The following MYLK4 variants were observed in gnomAD, a reference collection of about 807,000 sequenced individuals.
MYLK4 encodes the protein caMLCK like.
MYLK4 carries 46 observed loss-of-function variants against 48.1 expected under a neutral mutation model. That is an observed-to-expected ratio of 0.96 (90% CI 0.75 to 1.22). The LOEUF is 1.22. MYLK4 is among the 50% of genes most tolerant of loss of function. The probability of loss-of-function intolerance (pLI) is 0.00; values close to 1 mark genes in which losing one functional copy is unlikely to be tolerated. For missense variants in MYLK4, 451 were observed against 486.1 expected (o/e 0.93, Z 0.68); for synonymous variants, 170 against 180.8 (o/e 0.94, Z 0.48).
At chr6:2,690,237 TG>T in intron 3 of MYLK4, among the ~76,000 whole-genome samples, 1 of 152,232 alleles carries the variant, frequency 6.6e-6, no homozygotes, top group Non-Finnish European at 1.5e-5. Flanking sequence ...CCTGGCTGCC[TG>T]TGTCTTCTGA....
chr6:2,762,845 C>A, the MYLK4 span, among the ~76,000 whole-genome samples: 1 of 152,150 alleles, frequency 6.6e-6, no homozygotes, highest in Non-Finnish European at 1.5e-5. Flanking sequence ...TTAAGTTAGC[C>A]GTTCCTGCCA....
chr6:2,739,929 T>C (rs1012916148), intron 2 of MYLK4, among the ~76,000 whole-genome samples: 2 of 152,226 alleles, frequency 1.3e-5, no homozygotes, highest in Non-Finnish European at 2.9e-5. Flanking sequence ...TATACTGTTG[T>C]GTAAAGAACT....
At chr6:2,692,641 A>AGGGG (rs1554127783) in intron 3 of MYLK4, 143 bp downstream of exon 3, 1 of 304,958 alleles carries the variant, frequency 3.3e-6, no homozygotes, top group Non-Finnish European at 5.3e-6. Context: ...AAAAAAAAAA[A>AGGGG]AGGGGGGGGG....
chr6:2,700,996 C>T (rs139384726), intron 2 of MYLK4, among the ~76,000 whole-genome samples: 1 of 152,302 alleles, frequency 6.6e-6, no homozygotes, highest in East Asian at 1.9e-4. Flanking sequence ...AAAAACTGTG[C>T]AGTGAGGCTA....
In MYLK4 at chr6:2,675,033, G is replaced by A. The variant is rs1268030833; in HGVS notation, c.1119+14C>T. 3 of 1,602,882 alleles carry A rather than the reference G, an allele frequency of 1.9e-6. No homozygotes were observed. The highest frequency in any genetic ancestry group is 2.2e-5 in the South Asian group (2 of 90,814). On this transcript the variant is annotated intron_variant, in intron 11 of 12. Coordinates refer to ENST00000274643, the MANE Select transcript of MYLK4 (RefSeq NM_001012418.5). ...GACAGGAGAAAAAGAGGAAGAGCAA[G>A]AAGCCGTGGTCACCTGGGCATTGAG...
chr6:2,750,154 G>A (rs564561429), intron 1 of MYLK4, among the ~76,000 whole-genome samples: 13 of 152,308 alleles, frequency 8.5e-5, no homozygotes, highest in African/African-American at 3.1e-4. Context: ...TGCTAGTTCC[G>A]CATGGCTGAC....
chr6:2,702,439 T>C (rs577818690), intron 2 of MYLK4, among the ~76,000 whole-genome samples: 2 of 152,128 alleles, frequency 1.3e-5, no homozygotes, highest in Non-Finnish European at 2.9e-5. Context: ...AAAATAAAAG[T>C]ATTGTGTCTA....
At chr6:2,740,094 C>T (rs1763841917) in intron 2 of MYLK4, among the ~76,000 whole-genome samples, 1 of 152,182 alleles carries the variant, frequency 6.6e-6, no homozygotes, top group African/African-American at 2.4e-5. Context: ...TAGGTGCCCA[C>T]CATGGGGTTC....
the MYLK4 span, among the ~76,000 whole-genome samples, chr6:2,756,117 G>A: frequency 6.6e-6 from 1 of 152,124 alleles, no homozygotes; most frequent in Non-Finnish European, 1.5e-5. Flanking sequence ...CTATTCTTGA[G>A]AATCAATGAT....
At chr6:2,766,246 G>T in the MYLK4 span, 2 of 1,484,356 alleles carry the variant, frequency 1.3e-6, no homozygotes, top group Non-Finnish European at 1.8e-6. Flanking sequence ...GGGGCCGCCC[G>T]CACCCCCGGG....
At chr6:2,764,554 T>TTAG in the MYLK4 span, among the ~76,000 whole-genome samples, 2 of 88,404 alleles carry the variant, frequency 2.3e-5, no homozygotes, top group African/African-American at 8.6e-5. Flanking sequence ...AACGGGAGAC[T>TTAG]TAGACAAAAG....
chr6:2,690,985 C>T (rs1294521843), intron 3 of MYLK4, among the ~76,000 whole-genome samples: 3 of 151,984 alleles, frequency 2.0e-5, no homozygotes, highest in Non-Finnish European at 4.4e-5. Context: ...CCCGCCACCA[C>T]GCCCGGCTAA....
chr6:2,765,185 C>G, the MYLK4 span, among the ~76,000 whole-genome samples: 1 of 101,758 alleles, frequency 9.8e-6, no homozygotes, highest in Admixed American at 9.6e-5. Context: ...CCTCGCAACC[C>G]CCCCCCCCGC....
At chr6:2,706,513 T>G (rs908556426) in intron 2 of MYLK4, among the ~76,000 whole-genome samples, 2 of 152,206 alleles carry the variant, frequency 1.3e-5, no homozygotes, top group Non-Finnish European at 2.9e-5. Flanking sequence ...TTTTTGTATA[T>G]AAATTTATAC....
intron 10 of MYLK4, among the ~76,000 whole-genome samples, chr6:2,677,357 C>T (rs574197191): frequency 4.6e-5 from 7 of 152,242 alleles, no homozygotes; most frequent in African/African-American, 1.7e-4. Flanking sequence ...CCTGTGACAC[C>T]CTTCTACCTG....
chr6:2,768,651 T>C, the MYLK4 span: 8 of 1,543,526 alleles, frequency 5.2e-6, no homozygotes, highest in Non-Finnish European at 5.3e-6. Flanking sequence ...TCTCTGTGTC[T>C]TACCAGCTTT....
intron 2 of MYLK4, among the ~76,000 whole-genome samples, chr6:2,730,734 C>A (rs1337265191): frequency 6.9e-6 from 1 of 144,708 alleles, no homozygotes; most frequent in African/African-American, 2.5e-5. Flanking sequence ...AGAATTTATT[C>A]ATCTTAAAAA....
intron 2 of MYLK4, among the ~76,000 whole-genome samples, chr6:2,748,410 C>G (rs1288927322): frequency 6.6e-6 from 1 of 152,214 alleles, no homozygotes; most frequent in Admixed American, 6.5e-5. Context: ...GATGCTCCCA[C>G]CGGGCAAGGA....
rs116772491 is a variant in MYLK4, at chr6:2,747,951, A to G, written c.159+1185T>C. 9.9e-3 allele frequency among the ~76,000 whole-genome samples: 1,504 copies of G among 152,284 alleles called. 24 individuals carry two copies. The highest frequency in any genetic ancestry group is 0.032 in the African/African-American group (1,345 of 41,544). ...ATGGGGAAAGCAGAGGTCTCAAAAAAATGTTTCAATCTGATTCATTTATTC... is the reference window on the plus strand; with the variant it reads ...ATGGGGAAAGCAGAGGTCTCAAAAAGATGTTTCAATCTGATTCATTTATTC... On this transcript the variant is annotated intron_variant, in intron 2 of 12. Coordinates refer to ENST00000274643, the MANE Select transcript of MYLK4 (RefSeq NM_001012418.5).
Sources: allele counts gnomAD v4.1 joint callset (sites outside exome capture counted in the v4.1 genomes callset), GRCh38; gene constraint gnomAD v4.1.1; transcripts MANE v1.5; gene names NCBI Gene and HGNC (gene_info 2026-07-23, HGNC 2026-07-21).